DACT1: variants seen among roughly 807,000 people sequenced by gnomAD.
The protein encoded by DACT1 is dapper homolog 1.
A neutral mutation model predicts 35.3 loss-of-function variants in DACT1; 19 were observed. That is an observed-to-expected ratio of 0.54 (90% CI 0.38 to 0.79). The LOEUF is 0.79. Among genes scored for constraint, DACT1 ranks in the 30% least tolerant of loss-of-function variants. DACT1 has a pLI of 0.00. For synonymous variants in DACT1, 545 were observed against 466.7 expected, an observed-to-expected ratio of 1.17 and a Z score of -2.16; for missense variants, 1,143 against 1,057.5, an observed-to-expected ratio of 1.08 and a Z score of -1.12.
chr14:58,646,170 A>C lies in DACT1; in HGVS notation c.1436A>C (p.Gln479Pro), dbSNP rs776549726. The change falls in exon 4 of 4, where the codon CAG becomes CCG. Residue 479 changes from glutamine (Q) to proline (P), a missense_variant. Physicochemically the swap from Gln to Pro is moderately conservative, Grantham distance 76 (BLOSUM62 -1). Around this residue, in one of 3 missense-constraint regions of DACT1, gnomAD observed 1,054 missense variants for 958.8 expected, o/e 1.10. Coordinates refer to ENST00000395153, the MANE Select transcript of DACT1 (RefSeq NM_001079520.2). ...AAGATGTCACAGAAAAACAGCCTGC[A>C]GGGCGTCCCCCCGGCCACTCCTCCC... ...LKKMSQKNSL[Q>P]GVPPATPPLL... The C allele has an allele frequency of 1.9e-6, 3 of 1,613,584 alleles. No individual in the cohort carries two copies. The highest frequency in any genetic ancestry group is 2.5e-6 in the Non-Finnish European group (3 of 1,179,866).
chr14:58,647,342 T>C lies in DACT1; in HGVS notation c.*208T>C. On this transcript the variant is annotated 3_prime_UTR_variant, in exon 4 of 4. Coordinates refer to ENST00000395153, the MANE Select transcript of DACT1 (RefSeq NM_001079520.2). ...TAAAGAATGTTTTGCTAGTTAGAAG[T>C]ACATATTGAGGTTTTAATGGTGGTG... is the stretch of plus-strand genomic sequence containing the variant. 1.6e-6 allele frequency: 1 copy of C among 630,028 alleles called. No homozygotes were observed. The highest frequency in any genetic ancestry group is 2.7e-6 in the Non-Finnish European group (1 of 370,732). 39.0% of individuals were successfully genotyped at this position (630,028 alleles called of 1,614,324 possible).
intron 3 of DACT1, among the ~76,000 whole-genome samples, chr14:58,643,451 T>C (rs1489935020): frequency 2.0e-5 from 3 of 152,220 alleles, no homozygotes; most frequent in Non-Finnish European, 4.4e-5. Context: ...ACTGAGCAGC[T>C]GAGGGAGCTA....
Position 58,646,804 on chromosome 14 carries a change from G to A in DACT1, c.2070G>A (p.Ser690=), listed in dbSNP as rs200978607. ...ACGTGGCTAGCGACTCCGAGTACTC[G>A]GCCGAGTGCGAGTCCCTGTTCCACT... is the stretch of plus-strand genomic sequence containing the variant. ...YAYVASDSEY[S]AECESLFHST... Residue 690 remains serine, a synonymous_variant, in exon 4 of 4, where the codon TCG becomes TCA. Transcript: ENST00000395153. 3 of 1,614,134 alleles carry A rather than the reference G, an allele frequency of 1.9e-6. No individual in the cohort carries two copies. The East Asian group carries it at 6.7e-5, about 36-fold the overall frequency.
intron 3 of DACT1, among the ~76,000 whole-genome samples, chr14:58,644,353 A>C (rs1004724963): frequency 4.6e-5 from 7 of 152,226 alleles, no homozygotes; most frequent in Non-Finnish European, 7.3e-5. Context: ...TCAATCTTTT[A>C]AAATCTTATC....
rs368345387 is a variant in DACT1, at chr14:58,646,761, A to C, written c.2027A>C (p.Tyr676Ser). The change falls in exon 4 of 4, where the codon TAC becomes TCC. Residue 676 changes from tyrosine (Y) to serine (S), a missense_variant. By Grantham distance (144) the Tyr-to-Ser change is moderately radical (BLOSUM62 -2). Coordinates refer to ENST00000395153, the MANE Select transcript of DACT1 (RefSeq NM_001079520.2). ...GLYPAPVPLP[Y>S]ASPYAYVASD... is the part of the protein sequence containing the mutation. ...TACCCCGCGCCTGTGCCTCTGCCCT[A>C]CGCCAGCCCCTACGCCTACGTGGCT... 7 of 1,613,882 alleles carry C rather than the reference A, an allele frequency of 4.3e-6. No individual in the cohort carries two copies. The highest frequency in any genetic ancestry group is 5.1e-6 in the Non-Finnish European group (6 of 1,180,024).
rs752265026 is a variant in DACT1 at position 58,646,691 on chromosome 14, G to T, written c.1957G>T (p.Ala653Ser). 6 of 1,612,888 alleles carry T rather than the reference G, an allele frequency of 3.7e-6. No individual in the cohort carries two copies. The highest frequency in any genetic ancestry group is 1.7e-5 in the Admixed American group (1 of 60,000). ...CTCGGCCGAGATTTCCTACGAAGAG[G>T]CCCTGAGGAGGGCCCGGCGCGGTCG... is the stretch of plus-strand genomic sequence containing the variant. ...KSSAEISYEE[A>S]LRRARRGRRE... is the part of the protein sequence containing the mutation. Residue 653 changes from alanine (A) to serine (S), a missense_variant, in exon 4 of 4, where the codon GCC (alanine) becomes TCC (serine). Transcript: ENST00000395153.
intron 3 of DACT1, among the ~76,000 whole-genome samples, 199 bp downstream of exon 3, chr14:58,641,946 C>G (rs984541041): frequency 3.3e-5 from 5 of 152,174 alleles, no homozygotes; most frequent in Admixed American, 2.6e-4. Flanking sequence ...TTGGGTGCTA[C>G]TTGGTTATAT....
At position 58,646,953 on chromosome 14, in the gene DACT1, A is replaced by T; in HGVS notation, c.2219A>T (p.Glu740Val). The change falls in exon 4 of 4, where the codon GAA becomes GTA. Residue 740 changes from glutamate (E) to valine (V), a missense_variant. Transcript: ENST00000395153. ...GAGAGCACAACCACCAGCGACTCTG[A>T]AGAAAGCGGGGGCTTAATTTGGTCC... ...VGESTTTSDSEESGGLIWSQF... is the reference protein window; with the variant it reads ...VGESTTTSDSVESGGLIWSQF... 6.2e-7 allele frequency: 1 copy of T among 1,614,184 alleles called. No homozygotes were observed. Among genetic ancestry groups the T allele is most frequent in the Non-Finnish European group, 8.5e-7 (1 of 1,180,036 alleles).
chr14:58,640,736 A>T lies in DACT1; in HGVS notation c.346A>T (p.Asn116Tyr), dbSNP rs754797424. ...GTTTCCTTTGTTTCTTCCTAATCAG[A>T]ACTGTTTGAGGCGAAGAGATGCTGG... ...ENILLLRKQL[N>Y]CLRRRDAGLL... Residue 116 changes from asparagine (N) to tyrosine (Y), a missense_variant and splice_region_variant, in exon 2 of 4, where the codon AAC becomes TAC. By Grantham distance (143) the Asn-to-Tyr change is moderately radical (BLOSUM62 -2). Transcript: ENST00000395153. 6.2e-7 allele frequency: 1 copy of T among 1,614,068 alleles called. No individual in the cohort carries two copies. The highest frequency in any genetic ancestry group is 1.3e-5 in the African/African-American group (1 of 75,014).
In DACT1 at chr14:58,646,939, C is replaced by T. The variant is rs143877458; in HGVS notation, c.2205C>T (p.Thr735=). 6.2e-7 allele frequency: 1 copy of T among 1,614,072 alleles called. No individual in the cohort carries two copies. The highest frequency in any genetic ancestry group is 8.5e-7 in the Non-Finnish European group (1 of 1,180,038). ...GCGAGTTCGTGGGGGAGAGCACAAC[C>T]ACCAGCGACTCTGAAGAAAGCGGGG... ...SEGEFVGEST[T]TSDSEESGGL... Residue 735 remains threonine (T), a synonymous_variant, in exon 4 of 4, where the codon ACC becomes ACT. Transcript: ENST00000395153.
At chr14:58,635,864 G>A (rs1388432347), upstream of DACT1, among the ~76,000 whole-genome samples, 1 of 152,176 alleles carries the variant, frequency 6.6e-6, no homozygotes, top group Non-Finnish European at 1.5e-5. Flanking sequence ...CCAGTCAGAG[G>A]AATCTAATTC....
intron 3 of DACT1, among the ~76,000 whole-genome samples, 178 bp downstream of exon 3, chr14:58,641,925 T>G (rs550532642): frequency 3.5e-4 from 54 of 152,314 alleles, no homozygotes; most frequent in Non-Finnish European, 5.4e-4. Context: ...CTAGAACTAT[T>G]CCAGTACCCT....
At position 58,647,221 on chromosome 14, in the gene DACT1, A is replaced by G. The variant is rs372959597; in HGVS notation, c.*87A>G. On this transcript the variant is annotated 3_prime_UTR_variant, in exon 4 of 4. Coordinates refer to ENST00000395153, the MANE Select transcript of DACT1 (RefSeq NM_001079520.2). ...AAAAAGGTGGTGTTTTCATTTTTGT[A>G]TAATACTTTAATGGAATGCTTTTTA... The G allele has an allele frequency of 2.8e-3, 4,044 of 1,452,104 alleles. 122 individuals are homozygous for G. The South Asian group carries it at 0.047, about 17-fold the overall frequency. The allele number at this position is 1,452,104 out of a possible 1,614,324, so 90.0% of individuals were successfully genotyped here. A position where few individuals can be genotyped will look rare whatever the true frequency, so the allele number is the denominator to read the frequency against.
intron 3 of DACT1, among the ~76,000 whole-genome samples, chr14:58,642,982 G>A (rs1226499497): frequency 6.6e-6 from 1 of 152,144 alleles, no homozygotes. Context: ...TATCTCCAAT[G>A]AATCCTCCCA....
In DACT1 at chr14:58,646,064, C is replaced by G. The variant is rs776674599; in HGVS notation, c.1330C>G (p.Leu444Val). Residue 444 changes from leucine to valine, a missense_variant, in exon 4 of 4, where the codon CTC (leucine) becomes GTC (valine). Transcript: ENST00000395153. Reference protein sequence around the residue: ...TGESPKESAQLSGASPKESPS... With the variant: ...TGESPKESAQVSGASPKESPS... Reference sequence around the variant, plus strand: ...GGAGTCCCCTAAGGAAAGCGCTCAGCTCTCAGGGGCCTCTCCAAAAGAGAG... The same window carrying G: ...GGAGTCCCCTAAGGAAAGCGCTCAGGTCTCAGGGGCCTCTCCAAAAGAGAG... The G allele has an allele frequency of 1.9e-6, 3 of 1,613,894 alleles. No homozygotes were observed. Among genetic ancestry groups the G allele is most frequent in the Non-Finnish European group, 2.5e-6 (3 of 1,179,950 alleles).
chr14:58,644,303 A>G (rs1341214685), intron 3 of DACT1, among the ~76,000 whole-genome samples: 3 of 152,204 alleles, frequency 2.0e-5, no homozygotes, highest in African/African-American at 7.2e-5. Context: ...TTAAAAAAAC[A>G]TTTTTGACAA....
At chr14:58,636,917 G>A (rs1320824873), upstream of DACT1, among the ~76,000 whole-genome samples, 2 of 152,020 alleles carry the variant, frequency 1.3e-5, no homozygotes, top group Non-Finnish European at 2.9e-5. Flanking sequence ...CAAGAGGGAA[G>A]ACTTATAAAT....
Position 58,646,714 on chromosome 14 carries a change from T to A in DACT1, c.1980T>A (p.Gly660=). The A allele has an allele frequency of 1.2e-6, 2 of 1,613,006 alleles. No homozygotes were observed. The highest frequency in any genetic ancestry group is 1.7e-6 in the Non-Finnish European group (2 of 1,179,860). Residue 660 remains glycine, a synonymous_variant, in exon 4 of 4, where the codon GGT becomes GGA. Coordinates refer to ENST00000395153, the MANE Select transcript of DACT1 (RefSeq NM_001079520.2). ...YEEALRRARR[G]RRENVGLYPA... is the part of the protein sequence containing the mutation. ...AGGCCCTGAGGAGGGCCCGGCGCGG[T>A]CGCCGGGAGAATGTGGGGCTGTACC...
At chr14:58,642,194 C>T (rs1021679393) in intron 3 of DACT1, among the ~76,000 whole-genome samples, 3 of 152,078 alleles carry the variant, frequency 2.0e-5, no homozygotes, top group African/African-American at 4.8e-5. Flanking sequence ...AGTTCAAGAC[C>T]AGCCTGGGTT....
Sources: allele counts gnomAD v4.1 joint callset (sites outside exome capture counted in the v4.1 genomes callset), GRCh38; gene constraint gnomAD v4.1.1; regional missense constraint gnomAD v4.1.1; transcripts MANE v1.5; gene names NCBI Gene and HGNC (gene_info 2026-07-23, HGNC 2026-07-21).